Variants in DLC1 observed in about 807,000 individuals in gnomAD.
DLC1 encodes the protein DLC1 Rho GTPase activating protein.
Under a neutral mutation model 140.3 loss-of-function variants are expected in DLC1, and 54 were observed. The observed-to-expected ratio is 0.38, with a 90% CI of 0.31 to 0.48. The LOEUF is 0.48. DLC1 is among the 20% of genes least tolerant of loss of function. The probability of loss-of-function intolerance (pLI) is 0.96; values close to 1 mark genes in which losing one functional copy is unlikely to be tolerated. For synonymous variants in DLC1, 986 were observed against 728.1 expected, an observed-to-expected ratio of 1.35 and a Z score of -5.70; for missense variants, 2,536 against 1,907.0, an observed-to-expected ratio of 1.33 and a Z score of -6.14.
chr8:13,579,343 ATATATATATATATATATATTTTTAT>A lies in DLC1; in HGVS notation c.-126+25169_-126+25193del, dbSNP rs1804972559. Reference sequence around the variant, plus strand: ...TATATATATATATATATATATATATATATATATATATATATATATTTTTATATAATACATATTTATATATTATATA... The same window carrying A: ...TATATATATATATATATATATATATAATAATACATATTTATATATTATATA... On this transcript the variant is annotated intron_variant, in intron 1 of 1. Coordinates refer to the DLC1 transcript ENST00000631382. Among the ~76,000 whole-genome samples the A allele has an allele frequency of 1.0e-4, 3 of 28,932 alleles. 1 individual carries two copies. The highest frequency in any genetic ancestry group is 3.4e-4 in the African/African-American group (3 of 8,748). 19.0% of individuals were successfully genotyped at this position (28,932 alleles called of 152,430 possible).
chr8:13,333,223 CCTTT>C (rs1355673347), intron 4 of DLC1, among the ~76,000 whole-genome samples: 1 of 151,930 alleles, frequency 6.6e-6, no homozygotes, highest in Non-Finnish European at 1.5e-5. Flanking sequence ...AAATTGTCAT[CCTTT>C]CTTTTTTCTT....
At chr8:13,400,494 T>C (rs1382795771) in intron 3 of DLC1, among the ~76,000 whole-genome samples, 2 of 152,204 alleles carry the variant, frequency 1.3e-5, no homozygotes, top group East Asian at 3.9e-4. Flanking sequence ...TTGCCTATTC[T>C]GAATACATCT....
intron 5 of DLC1, among the ~76,000 whole-genome samples, chr8:13,301,126 G>A (rs934154934): frequency 5.9e-5 from 9 of 152,042 alleles, no homozygotes; most frequent in Non-Finnish European, 7.4e-5. Flanking sequence ...ATGGAATCAC[G>A]GGAAAATGGG....
intron 2 of DLC1, among the ~76,000 whole-genome samples, chr8:13,448,272 A>C (rs778969648): frequency 1.7e-4 from 26 of 152,214 alleles, no homozygotes; most frequent in Non-Finnish European, 2.4e-4. Context: ...CTGGAATAGA[A>C]GTATATATTC....
At chr8:13,393,134 GTCCATCCATCCA>G (rs200774562) in intron 4 of DLC1, among the ~76,000 whole-genome samples, 3 of 151,408 alleles carry the variant, frequency 2.0e-5, no homozygotes, top group Admixed American at 1.3e-4. Context: ...CAGTCTATCT[GTCCATCCATCCA>G]TCCATCCATC....
chr8:13,130,614 T>G (rs556288984), intron 5 of DLC1, among the ~76,000 whole-genome samples: 1 of 152,220 alleles, frequency 6.6e-6, no homozygotes, highest in Admixed American at 6.5e-5. Flanking sequence ...TTTGAAACAC[T>G]GCCTTCATAG....
At chr8:13,359,105 AT>A (rs1473155098) in intron 4 of DLC1, among the ~76,000 whole-genome samples, 3 of 151,958 alleles carry the variant, frequency 2.0e-5, no homozygotes, top group Non-Finnish European at 2.9e-5. Context: ...CGCCCGGCTA[AT>A]TTTTTCGTAT....
intron 4 of DLC1, among the ~76,000 whole-genome samples, chr8:13,338,123 C>T (rs115280417): frequency 6.6e-6 from 1 of 152,246 alleles, no homozygotes; most frequent in African/African-American, 2.4e-5. Context: ...CCTGGACTGG[C>T]TGCAATTTTG....
chr8:13,401,392 T>G, intron 3 of DLC1, 78 bp downstream of exon 3: 1 of 1,537,184 alleles, frequency 6.5e-7, no homozygotes, highest in Non-Finnish European at 8.8e-7. Context: ...AACAAGGATG[T>G]TGCCTTTGCA....
chr8:13,424,907 C>T (rs1420194073), intron 2 of DLC1, among the ~76,000 whole-genome samples: 1 of 152,140 alleles, frequency 6.6e-6, no homozygotes, highest in Non-Finnish European at 1.5e-5. Flanking sequence ...TTATCGCAAT[C>T]TCTGTGCTTA....
Position 13,382,552 on chromosome 8 carries a change from C to G in DLC1, c.1314+11001G>C, listed in dbSNP as rs1275182061. On this transcript the variant is annotated intron_variant, in intron 4 of 17. Transcript: ENST00000276297. Reference sequence around the variant, plus strand: ...AAAAAAGAAAGAGGAGACAGATAAGCTAAAGGAGTATTAAAATATAAAGGT... The same window carrying G: ...AAAAAAGAAAGAGGAGACAGATAAGGTAAAGGAGTATTAAAATATAAAGGT... 2.2e-5 allele frequency among the ~76,000 whole-genome samples: 3 copies of G among 138,196 alleles called. No individual in the cohort carries two copies. The East Asian group carries it at 6.4e-4, about 29-fold the overall frequency. The allele number at this position is 138,196 out of a possible 152,430, so 90.7% of individuals were successfully genotyped here. A position where few individuals can be genotyped will look rare whatever the true frequency, so the allele number is the denominator to read the frequency against.
chr8:13,291,752 C>A (rs796994105), intron 5 of DLC1, among the ~76,000 whole-genome samples: 18 of 152,196 alleles, frequency 1.2e-4, no homozygotes, highest in African/African-American at 3.9e-4. Flanking sequence ...AGAAACCAAA[C>A]CAACCAAACC....
chr8:13,433,247 T>A (rs1249658203), intron 2 of DLC1, among the ~76,000 whole-genome samples: 1 of 152,114 alleles, frequency 6.6e-6, no homozygotes, highest in Non-Finnish European at 1.5e-5. Context: ...ATGACTCTAG[T>A]TTCTCTTTGA....
At chr8:13,126,368 TACACACAC>T (rs3065349) in intron 5 of DLC1, among the ~76,000 whole-genome samples, 4 of 145,492 alleles carry the variant, frequency 2.7e-5, no homozygotes, top group African/African-American at 1.0e-4. Context: ...TCTCTATCCA[TACACACAC>T]ACACACACAC....
intron 1 of DLC1, among the ~76,000 whole-genome samples, chr8:13,596,007 A>G (rs907453244): frequency 1.3e-5 from 2 of 152,050 alleles, no homozygotes; most frequent in African/African-American, 4.8e-5. Context: ...ACATATATAC[A>G]TATATCTTCT....
chr8:13,257,771 C>T (rs1449084996), intron 5 of DLC1, among the ~76,000 whole-genome samples: 1 of 151,782 alleles, frequency 6.6e-6, no homozygotes. Flanking sequence ...AACCAGCATG[C>T]TGAAGGTAGA....
At chr8:13,403,690 C>T (rs188651512) in intron 2 of DLC1, among the ~76,000 whole-genome samples, 1 of 151,952 alleles carries the variant, frequency 6.6e-6, no homozygotes, top group Non-Finnish European at 1.5e-5. Flanking sequence ...GGCTGTAGTG[C>T]AGTGCAGTGG....
At chr8:13,361,300 G>C (rs1288677823) in intron 4 of DLC1, among the ~76,000 whole-genome samples, 4 of 151,882 alleles carry the variant, frequency 2.6e-5, no homozygotes, top group Non-Finnish European at 5.9e-5. Flanking sequence ...GCAGGCTGGA[G>C]TGAAATGGTG....
chr8:13,450,408 T>C (rs1013841407), intron 2 of DLC1, among the ~76,000 whole-genome samples: 4 of 124,308 alleles, frequency 3.2e-5, no homozygotes, highest in African/African-American at 1.3e-4. Context: ...TGAGCCAAGA[T>C]AGTGCCACTG....
Sources: gnomAD v4.1 joint callset for allele counts (sites outside exome capture counted in the v4.1 genomes callset) on GRCh38, gnomAD v4.1.1 for gene constraint, MANE v1.5 for transcripts, NCBI Gene and HGNC (gene_info 2026-07-23, HGNC 2026-07-21) for gene names.